The following RNF220 variants were observed in gnomAD, a reference collection of about 807,000 sequenced individuals.
The protein encoded by RNF220 is ring finger protein 220.
In RNF220, 7 loss-of-function variants were observed where a neutral mutation model predicts 67.1. That is an observed-to-expected ratio of 0.10 (90% CI 0.06 to 0.20). RNF220 has a LOEUF of 0.20. RNF220 is among the 10% of genes least tolerant of loss of function. The pLI, the probability that RNF220 is intolerant of heterozygous loss-of-function variation, is 1.00. For missense variants in RNF220, 565 were observed against 740.3 expected, an observed-to-expected ratio of 0.76 and a Z score of 2.75; for synonymous variants, 270 against 283.2, an observed-to-expected ratio of 0.95 and a Z score of 0.47.
In RNF220 at chr1:44,600,008, G is replaced by A. The variant is rs151080089; in HGVS notation, c.626-14157G>A. On this transcript the variant is annotated intron_variant, in intron 2 of 14. Coordinates refer to ENST00000361799, the MANE Select transcript of RNF220 (RefSeq NM_018150.4). This position sits in a 1 kb window ranked among gnomAD's most constrained non-coding sequence, Gnocchi z 4.0. Reference sequence around the variant, plus strand: ...CTGAATATGAAGATGCCTAAACTAGGGCAATGAAGAAAAGAAGATGATTCT... The same window carrying A: ...CTGAATATGAAGATGCCTAAACTAGAGCAATGAAGAAAAGAAGATGATTCT... Among the ~76,000 whole-genome samples the A allele has an allele frequency of 4.3e-3, 648 of 152,238 alleles. 6 individuals are homozygous for A. Among genetic ancestry groups the A allele is most frequent in the African/African-American group, 0.015 (619 of 41,522 alleles).
At chr1:44,500,970 TG>T (rs1459776590) in intron 2 of RNF220, among the ~76,000 whole-genome samples, 1 of 136,342 alleles carries the variant, frequency 7.3e-6, no homozygotes, top group Non-Finnish European at 1.6e-5. Flanking sequence ...AGAGTGGGCC[TG>T]GGGGCCCCAT....
chr1:44,446,330 T>C (rs1652078504), intron 2 of RNF220, among the ~76,000 whole-genome samples: 1 of 152,138 alleles, frequency 6.6e-6, no homozygotes, highest in South Asian at 2.1e-4. Flanking sequence ...GAAGCTCAAA[T>C]CTGTTATATG....
intron 2 of RNF220, among the ~76,000 whole-genome samples, chr1:44,434,308 C>T (rs1376599499): frequency 1.3e-5 from 2 of 152,090 alleles, no homozygotes; most frequent in Non-Finnish European, 2.9e-5. Flanking sequence ...GGAGCCAGAC[C>T]TCTGTAAATC....
chr1:44,412,736 T>C lies in RNF220; in HGVS notation c.625+14T>C. On this transcript the variant is annotated intron_variant, in intron 2 of 14. Transcript: ENST00000361799. The surrounding 1 kb of genome is among the most constrained non-coding windows in gnomAD (Gnocchi z 5.3). ...GGAATGACAGATGTAAGTACTTTGG[T>C]TCCAGCCCTCCCTTACCCCCAGTAA... 6 of 1,608,000 alleles carry C rather than the reference T, an allele frequency of 3.7e-6. No homozygotes were observed. Among genetic ancestry groups the C allele is most frequent in the Non-Finnish European group, 5.1e-6 (6 of 1,176,234 alleles).
intron 2 of RNF220, among the ~76,000 whole-genome samples, chr1:44,557,913 A>G (rs1345278732): frequency 6.6e-6 from 1 of 152,104 alleles, no homozygotes; most frequent in Admixed American, 6.6e-5. Flanking sequence ...CCCACTGAGG[A>G]GCTTTTGCAT....
At chr1:44,578,991 C>T (rs1336156747) in intron 2 of RNF220, among the ~76,000 whole-genome samples, 1 of 151,588 alleles carries the variant, frequency 6.6e-6, no homozygotes, top group Non-Finnish European at 1.5e-5. Context: ...CAGCGAAACC[C>T]CAACTCTACT....
chr1:44,418,673 A>C (rs1648868822), intron 2 of RNF220, among the ~76,000 whole-genome samples: 1 of 152,026 alleles, frequency 6.6e-6, no homozygotes, highest in Non-Finnish European at 1.5e-5. Flanking sequence ...ATTGTATCCA[A>C]ATAACAAAAG....
chr1:44,414,959 T>C (rs567253494), intron 2 of RNF220, among the ~76,000 whole-genome samples: 2 of 150,500 alleles, frequency 1.3e-5, no homozygotes, highest in African/African-American at 4.9e-5. Context: ...AAAACAAAGG[T>C]GCAAAGTGAA....
At chr1:44,587,964 G>A (rs1665829256) in intron 2 of RNF220, among the ~76,000 whole-genome samples, 1 of 152,190 alleles carries the variant, frequency 6.6e-6, no homozygotes, top group Non-Finnish European at 1.5e-5. Flanking sequence ...TGTGTGGGCT[G>A]GGGATGGGGC....
chr1:44,450,193 A>G (rs1178688532), intron 2 of RNF220, among the ~76,000 whole-genome samples: 1 of 152,140 alleles, frequency 6.6e-6, no homozygotes, highest in Non-Finnish European at 1.5e-5. Flanking sequence ...CTGGGCAACA[A>G]GAGCGAAACT....
chr1:44,507,465 T>G (rs984722609), intron 2 of RNF220, among the ~76,000 whole-genome samples: 2 of 146,588 alleles, frequency 1.4e-5, no homozygotes. Flanking sequence ...GGGGGTGGGG[T>G]GAAGGGGGAA....
intron 2 of RNF220, among the ~76,000 whole-genome samples, chr1:44,582,740 T>C (rs561945665): frequency 1.7e-4 from 20 of 116,156 alleles, no homozygotes; most frequent in Non-Finnish European, 1.9e-4. Flanking sequence ...CTGGCCAACA[T>C]AGTGAGACTA....
At chr1:44,408,218 G>GC (rs1461674506) in intron 1 of RNF220, among the ~76,000 whole-genome samples, 16 of 152,204 alleles carry the variant, frequency 1.1e-4, no homozygotes, top group Admixed American at 3.9e-4. Context: ...GCTGAATAAT[G>GC]CACCCGCTCG....
chr1:44,547,073 C>T (rs1195651940), intron 2 of RNF220, among the ~76,000 whole-genome samples: 2 of 152,206 alleles, frequency 1.3e-5, no homozygotes, highest in Non-Finnish European at 2.9e-5. Context: ...GGGTGCCTGG[C>T]ACATTAGGCC....
intron 2 of RNF220, among the ~76,000 whole-genome samples, chr1:44,557,994 G>A (rs1663254932): frequency 1.3e-5 from 2 of 152,166 alleles, no homozygotes; most frequent in Non-Finnish European, 2.9e-5. Flanking sequence ...TTCCAGCTGG[G>A]CACCTCAAGG....
intron 2 of RNF220, among the ~76,000 whole-genome samples, chr1:44,580,028 CACAAA>C (rs1457972797): frequency 0.025 from 250 of 10,134 alleles, 2 homozygotes; most frequent in African/African-American, 0.055. Flanking sequence ...GACCCTGTCT[CACAAA>C]AAAAAAAAAA....
intron 5 of RNF220, among the ~76,000 whole-genome samples, chr1:44,629,839 C>A (rs1644064493): frequency 6.6e-6 from 1 of 152,124 alleles, no homozygotes; most frequent in African/African-American, 2.4e-5. Flanking sequence ...AAAGGTTACT[C>A]CAGATATAAA....
intron 2 of RNF220, among the ~76,000 whole-genome samples, chr1:44,550,299 G>A (rs1202504338): frequency 6.6e-6 from 1 of 152,220 alleles, no homozygotes; most frequent in African/African-American, 2.4e-5. Flanking sequence ...CTGCAACCAA[G>A]AGAGGCAGGT....
intron 2 of RNF220, among the ~76,000 whole-genome samples, chr1:44,601,486 G>A (rs1432075950): frequency 6.6e-6 from 1 of 152,126 alleles, no homozygotes; most frequent in East Asian, 1.9e-4. Context: ...CAGTAGAGAG[G>A]GAGAACTTGA....
Sources: allele counts gnomAD v4.1 joint callset (sites outside exome capture counted in the v4.1 genomes callset), GRCh38; gene constraint gnomAD v4.1.1; non-coding constraint Gnocchi (gnomAD v3.1); transcripts MANE v1.5; gene names NCBI Gene and HGNC (gene_info 2026-07-23, HGNC 2026-07-21).